The following PIGN variants were observed in gnomAD, a reference collection of about 807,000 sequenced individuals.
PIGN encodes phosphatidylinositol glycan anchor biosynthesis class N.
PIGN carries 117 observed loss-of-function variants against 125.4 expected under a neutral mutation model. The observed-to-expected ratio is 0.93, with a 90% CI of 0.80 to 1.09. PIGN has a LOEUF of 1.09. Among genes scored for constraint, PIGN ranks in the 50% least tolerant of loss-of-function variants. The probability of loss-of-function intolerance (pLI) is 0.00; values close to 1 mark genes in which losing one functional copy is unlikely to be tolerated. For missense variants in PIGN, 1,075 were observed against 1,094.9 expected (o/e 0.98, Z 0.26); for synonymous variants, 392 against 377.8 (o/e 1.04, Z -0.44).
chr18:62,096,003 G>T, intron 22 of PIGN, 53 bp from the exon 23 acceptor site: 1 of 1,190,518 alleles, frequency 8.4e-7, no homozygotes, highest in South Asian at 1.3e-5. Context: ...CAAAAAAAAT[G>T]TTAGCGTAGG....
downstream of PIGN, among the ~76,000 whole-genome samples, chr18:62,038,943 T>G (rs2030298386): frequency 6.8e-6 from 1 of 147,358 alleles, no homozygotes; most frequent in Non-Finnish European, 1.5e-5. Flanking sequence ...ATAATAATAA[T>G]AATAATAATA....
At chr18:62,134,224 C>A (rs974005200) in intron 14 of PIGN, among the ~76,000 whole-genome samples, 4 of 151,904 alleles carry the variant, frequency 2.6e-5, no homozygotes, top group Non-Finnish European at 5.9e-5. Flanking sequence ...GAAACCCCAT[C>A]TCTACTAAAA....
At chr18:62,104,252 C>A (rs11152329) in intron 20 of PIGN, among the ~76,000 whole-genome samples, 45,362 of 152,098 alleles carry the variant, frequency 0.3, 7,973 homozygotes, top group East Asian at 0.58. Context: ...TTATTTGCTT[C>A]CCACATTCAT....
At chr18:62,100,408 C>A (rs1490043943) in intron 22 of PIGN, among the ~76,000 whole-genome samples, 2 of 152,054 alleles carry the variant, frequency 1.3e-5, no homozygotes, top group African/African-American at 2.4e-5. Flanking sequence ...GGGTGGGCCC[C>A]CATGACCCAA....
chr18:62,136,291 T>C (rs1180074189), intron 14 of PIGN: 1 of 152,184 alleles, frequency 6.6e-6, no homozygotes, highest in Non-Finnish European at 1.5e-5. Flanking sequence ...CACATATATA[T>C]ACACACATAA....
intron 6 of PIGN, among the ~76,000 whole-genome samples, chr18:62,155,165 G>C (rs968754594): frequency 6.6e-6 from 1 of 152,122 alleles, no homozygotes; most frequent in African/African-American, 2.4e-5. Context: ...TATTGCCAAA[G>C]AGTTTGAAGG....
rs1040909672 is a variant in PIGN at position 62,133,834 on chromosome 18, T to A, written c.1172+4409A>T. Among the ~76,000 whole-genome samples, 8 of 152,182 alleles carry A rather than the reference T, an allele frequency of 5.3e-5. No homozygotes were observed. In the South Asian group the frequency reaches 8.3e-4, roughly 16 times the overall value. ...CAAAGCAATATATGCACATATTTTT[T>A]AAAAATCAAACACTACACAAGGGCA... On this transcript the variant is annotated intron_variant, in intron 14 of 30. Transcript: ENST00000640252.
chr18:62,130,854 A>G (rs546281046), intron 14 of PIGN, among the ~76,000 whole-genome samples: 2 of 152,302 alleles, frequency 1.3e-5, no homozygotes, highest in East Asian at 1.9e-4. Flanking sequence ...TTAAGAGTAT[A>G]AAGACAGAGA....
chr18:62,105,414 T>A, intron 20 of PIGN, 129 bp downstream of exon 20: 1 of 614,668 alleles, frequency 1.6e-6, no homozygotes, highest in South Asian at 2.3e-5. Flanking sequence ...GGTTTGATAT[T>A]GGTATTTTAA....
At chr18:62,109,674 C>T (rs1338723609) in intron 17 of PIGN, among the ~76,000 whole-genome samples, 160 bp downstream of exon 17, 1 of 152,088 alleles carries the variant, frequency 6.6e-6, no homozygotes, top group Non-Finnish European at 1.5e-5. Context: ...TCCTACTCAA[C>T]ATTTATGCAG....
intron 6 of PIGN, among the ~76,000 whole-genome samples, chr18:62,156,511 G>T (rs1230545903): frequency 6.6e-6 from 1 of 151,966 alleles, no homozygotes; most frequent in Non-Finnish European, 1.5e-5. Context: ...TTTGTTTGTT[G>T]TAGAGATGTG....
At chr18:62,022,156 C>T (rs2030061083) in intron 23 of PIGN, among the ~76,000 whole-genome samples, 1 of 152,028 alleles carries the variant, frequency 6.6e-6, no homozygotes, top group Non-Finnish European at 1.5e-5. Context: ...GAGAGAGTAT[C>T]CTATAATATT....
chr18:62,032,744 T>C (rs566087354), intron 23 of PIGN, among the ~76,000 whole-genome samples: 1 of 152,338 alleles, frequency 6.6e-6, no homozygotes, highest in African/African-American at 2.4e-5. Flanking sequence ...TTTTCCCATC[T>C]GTAAAATAGT....
intron 28 of PIGN, among the ~76,000 whole-genome samples, chr18:62,077,525 A>G (rs1043589985): frequency 6.6e-6 from 1 of 152,216 alleles, no homozygotes; most frequent in Non-Finnish European, 1.5e-5. Flanking sequence ...TTCTGAAGTT[A>G]AGACACATCT....
At chr18:62,126,587 T>C (rs986960879) in intron 14 of PIGN, among the ~76,000 whole-genome samples, 7 of 152,164 alleles carry the variant, frequency 4.6e-5, no homozygotes, top group East Asian at 1.9e-4. Flanking sequence ...AATGTAAAAA[T>C]AGGGAAAAAC....
chr18:62,154,830 T>C (rs1203069278), intron 6 of PIGN, among the ~76,000 whole-genome samples, 179 bp from the exon 7 acceptor site: 3 of 152,228 alleles, frequency 2.0e-5, no homozygotes, highest in African/African-American at 7.2e-5. Flanking sequence ...TTATGTGCTA[T>C]GGACCATGCT....
rs34235992 is a variant in PIGN, at chr18:62,023,885, G to GA, written c.2143-6145dup. On this transcript the variant is annotated intron_variant, in intron 23 of 24. Coordinates refer to the PIGN transcript ENST00000639600. The stretch of plus-strand genomic sequence containing the variant: ...TTTGCATAGTGATTTGTGGACTGAA[G>GA]AGCTAGCAGTGAATTGTGTACTTTA... 6.9e-3 allele frequency among the ~76,000 whole-genome samples: 1,046 copies of GA among 152,332 alleles called. 10 individuals carry two copies. The highest frequency in any genetic ancestry group is 0.024 in the African/African-American group (1,000 of 41,576).
rs1449002857 is a variant in PIGN, at chr18:62,056,212, C to T, written c.2673-10233G>A. On this transcript the variant is annotated intron_variant, in intron 30 of 30. Transcript: ENST00000640252. ...AAGTTTCTACAAAACTAAAGTAAAA[C>T]TCACCCTGCAAAATATTAAAATATA... Among the ~76,000 whole-genome samples, 3 of 151,374 alleles carry T rather than the reference C, an allele frequency of 2.0e-5. No individual in the cohort carries two copies. In the East Asian group the frequency reaches 6.0e-4, roughly 30 times the overall value.
Position 62,045,566 on chromosome 18 carries a change from C to T in PIGN, c.*290G>A, listed in dbSNP as rs549640071. 4.1e-6 allele frequency: 1 copy of T among 244,470 alleles called. No homozygotes were observed. Among genetic ancestry groups the T allele is most frequent in the Non-Finnish European group, 8.0e-6 (1 of 124,760 alleles). 15.1% of individuals were successfully genotyped at this position (244,470 alleles called of 1,614,324 possible). On this transcript the variant is annotated 3_prime_UTR_variant, in exon 31 of 31. Transcript: ENST00000640252. ...ACTGGGGACCAGATTGCTGCAGGTG[C>T]TCTCAACATCACTGGGAAGAGCTGC... is the stretch of plus-strand genomic sequence containing the variant.
Sources: gnomAD v4.1 joint callset for allele counts (sites outside exome capture counted in the v4.1 genomes callset) on GRCh38, gnomAD v4.1.1 for gene constraint, MANE v1.5 for transcripts, NCBI Gene and HGNC (gene_info 2026-07-23, HGNC 2026-07-21) for gene names.